Variants in NTN1 observed in about 807,000 individuals in gnomAD.
The protein encoded by NTN1 is netrin-1.
NTN1 carries 11 observed loss-of-function variants against 54.2 expected under a neutral mutation model. The ratio of observed to expected loss-of-function variants is 0.20; its 90% CI spans 0.13 to 0.34. The LOEUF is 0.34. NTN1 is among the 10% of genes least tolerant of loss of function. The pLI, the probability that NTN1 is intolerant of heterozygous loss-of-function variation, is 1.00. For synonymous variants in NTN1, 371 were observed against 382.0 expected (o/e 0.97, Z 0.33); for missense variants, 740 against 893.1 (o/e 0.83, Z 2.18).
Position 9,239,109 on chromosome 17 carries a change from C to T in NTN1, c.1487-531C>T, listed in dbSNP as rs547391782. 6.6e-6 allele frequency among the ~76,000 whole-genome samples: 1 copy of T among 152,166 alleles called. No individual in the cohort carries two copies. The highest frequency in any genetic ancestry group is 1.5e-5 in the Non-Finnish European group (1 of 68,026). The stretch of plus-strand genomic sequence containing the variant: ...TCCCGGGGCTCTGGAAAAGGCACTA[C>T]GGCCACCCCAAAGGGTGGGTTCTCA... On this transcript the variant is annotated intron_variant, in intron 6 of 6. Coordinates refer to ENST00000173229, the MANE Select transcript of NTN1 (RefSeq NM_004822.3). This position sits in a 1 kb window ranked among gnomAD's most constrained non-coding sequence, Gnocchi z 5.2.
chr17:9,040,810 T>C (rs1239543433), intron 2 of NTN1, among the ~76,000 whole-genome samples: 2 of 152,092 alleles, frequency 1.3e-5, no homozygotes, highest in African/African-American at 4.8e-5. Context: ...TTTTTTTTGT[T>C]TGTTTTTTTG....
chr17:9,152,261 A>G (rs915172933), intron 2 of NTN1, among the ~76,000 whole-genome samples: 9 of 152,160 alleles, frequency 5.9e-5, no homozygotes, highest in South Asian at 2.1e-4. Context: ...CTCTGGACAC[A>G]CTATTGCTCA....
intron 2 of NTN1, among the ~76,000 whole-genome samples, chr17:9,157,975 C>T (rs924669861): frequency 1.2e-4 from 19 of 152,278 alleles, no homozygotes; most frequent in Admixed American, 7.8e-4. Context: ...AGGGACAGGC[C>T]GGGAGTTGGG....
chr17:9,138,306 C>T (rs982775941), intron 2 of NTN1, among the ~76,000 whole-genome samples: 9 of 152,270 alleles, frequency 5.9e-5, no homozygotes, highest in African/African-American at 2.2e-4. Context: ...TCAAATAGAC[C>T]TCATAATGGG....
chr17:9,108,517 T>C (rs2092177043), intron 2 of NTN1, among the ~76,000 whole-genome samples: 1 of 152,240 alleles, frequency 6.6e-6, no homozygotes, highest in African/African-American at 2.4e-5. Context: ...TACAGGTCAT[T>C]GTATCCTGAA....
intron 2 of NTN1, among the ~76,000 whole-genome samples, chr17:9,148,636 G>T (rs2092319950): frequency 6.6e-6 from 1 of 152,082 alleles, no homozygotes; most frequent in Admixed American, 6.6e-5. Flanking sequence ...TAGTCGGAGA[G>T]TGAATTAGGA....
At chr17:9,129,812 T>C (rs1274694237) in intron 2 of NTN1, among the ~76,000 whole-genome samples, 2 of 152,286 alleles carry the variant, frequency 1.3e-5, no homozygotes, top group Admixed American at 6.5e-5. Context: ...TCCTGAGCCA[T>C]CCTTCCTGTT....
At chr17:9,123,312 T>C (rs2092236757) in intron 2 of NTN1, among the ~76,000 whole-genome samples, 1 of 152,260 alleles carries the variant, frequency 6.6e-6, no homozygotes, top group Non-Finnish European at 1.5e-5. Context: ...TTCACAAGTT[T>C]ATATTTTGTG....
chr17:9,190,522 G>T (rs141767488), intron 5 of NTN1, among the ~76,000 whole-genome samples: 2 of 152,282 alleles, frequency 1.3e-5, no homozygotes, highest in East Asian at 1.9e-4. Flanking sequence ...TGTGGTACTG[G>T]TGTAGGAATA....
intron 2 of NTN1, among the ~76,000 whole-genome samples, chr17:9,127,071 C>T (rs150059054): frequency 7.3e-5 from 6 of 81,894 alleles, no homozygotes; most frequent in Admixed American, 3.9e-4. Context: ...GTGGTAGGGC[C>T]GGGGGGGGGC....
intron 2 of NTN1, among the ~76,000 whole-genome samples, chr17:9,152,852 C>T (rs2092331454): frequency 6.6e-6 from 1 of 152,184 alleles, no homozygotes; most frequent in African/African-American, 2.4e-5. Flanking sequence ...AGGTCACACA[C>T]CTGGGGGAGT....
chr17:9,101,868 C>T (rs1277637208), intron 2 of NTN1, among the ~76,000 whole-genome samples: 2 of 152,048 alleles, frequency 1.3e-5, no homozygotes, highest in African/African-American at 2.4e-5. Context: ...TGCTGTGTAC[C>T]TGTAGTCCCA....
chr17:9,061,735 G>A (rs554503519), intron 2 of NTN1, among the ~76,000 whole-genome samples: 3 of 151,884 alleles, frequency 2.0e-5, no homozygotes, highest in Admixed American at 6.6e-5. Flanking sequence ...ACGGATTCTC[G>A]CTCTGTCGCC....
At position 9,080,266 on chromosome 17, in the gene NTN1, T is replaced by C. The variant is rs2092066379; in HGVS notation, c.1018+56875T>C. 2.6e-5 allele frequency among the ~76,000 whole-genome samples: 4 copies of C among 152,206 alleles called. No individual in the cohort carries two copies. In the South Asian group the frequency reaches 8.3e-4, roughly 31 times the overall value. On this transcript the variant is annotated intron_variant, in intron 2 of 6. Transcript: ENST00000173229. ...TGCACACATGGACCTCTCTATCCCCTCTGGAATTCTCTCCTCATTGCTGCT... is the reference window on the plus strand; with the variant it reads ...TGCACACATGGACCTCTCTATCCCCCCTGGAATTCTCTCCTCATTGCTGCT...
Position 9,022,761 on chromosome 17 carries a change from CACA to C in NTN1, c.391_393del (p.Asn131del). ...GTCCGAGAACTACCTGCAGTTCCCG[CACA>C]ACGTCACGCTCACACTGTCCCTCGG... is the stretch of plus-strand genomic sequence containing the variant. On this transcript the variant is annotated inframe_deletion, in exon 2 of 7. Transcript: ENST00000173229. 3 of 1,609,990 alleles carry C rather than the reference CACA, an allele frequency of 1.9e-6. No homozygotes were observed. Among genetic ancestry groups the C allele is most frequent in the Non-Finnish European group, 2.5e-6 (3 of 1,178,828 alleles).
intron 2 of NTN1, among the ~76,000 whole-genome samples, chr17:9,121,304 C>T (rs1444555858): frequency 6.6e-6 from 1 of 152,134 alleles, no homozygotes; most frequent in African/African-American, 2.4e-5. Context: ...ACCAGCACGT[C>T]CCCGGCCGCT....
At chr17:9,032,968 T>TTTG (rs896036852) in intron 2 of NTN1, among the ~76,000 whole-genome samples, 14 of 151,582 alleles carry the variant, frequency 9.2e-5, no homozygotes, top group African/African-American at 3.2e-4. Flanking sequence ...TTTTTTTTTT[T>TTTG]TTTTTGACAG....
chr17:9,110,329 A>G (rs4791790), intron 2 of NTN1, among the ~76,000 whole-genome samples: 109,622 of 151,176 alleles, frequency 0.73, 39,977 homozygotes, highest in East Asian at 0.95. Flanking sequence ...GAGTGCAGTG[A>G]TGCGATCTTG....
chr17:9,168,307 C>T (rs3785973), intron 3 of NTN1, among the ~76,000 whole-genome samples: 6,501 of 152,030 alleles, frequency 0.043, 552 homozygotes, highest in East Asian at 0.37. Flanking sequence ...CCACGGCGGG[C>T]GGATTACCTG....
Sources: allele counts gnomAD v4.1 joint callset (sites outside exome capture counted in the v4.1 genomes callset), GRCh38; gene constraint gnomAD v4.1.1; non-coding constraint Gnocchi (gnomAD v3.1); transcripts MANE v1.5; gene names NCBI Gene and HGNC (gene_info 2026-07-23, HGNC 2026-07-21).